RHBDF2: variants seen among roughly 807,000 people sequenced by gnomAD.
The protein encoded by RHBDF2 is inactive rhomboid protein 2.
In RHBDF2, 38 loss-of-function variants were observed where a neutral mutation model predicts 95.2. The ratio of observed to expected loss-of-function variants is 0.40; its 90% CI spans 0.31 to 0.52. RHBDF2 has a LOEUF of 0.52. Ranked by LOEUF, RHBDF2 falls within the 20% of genes least tolerant of loss-of-function variation. The pLI is 0.56. For missense variants in RHBDF2, 863 were observed against 1,137.7 expected (o/e 0.76, Z 3.47); for synonymous variants, 442 against 462.0 (o/e 0.96, Z 0.55).
intron 1 of RHBDF2, among the ~76,000 whole-genome samples, chr17:76,495,852 G>A (rs981372707): frequency 3.3e-5 from 5 of 152,178 alleles, no homozygotes; most frequent in African/African-American, 7.2e-5. Flanking sequence ...TTCCCAGAAC[G>A]TTGCCCTGGG....
intron 9 of RHBDF2, 80 bp from the exon 10 acceptor site, chr17:76,475,221 G>A: frequency 3.0e-6 from 3 of 1,000,630 alleles, no homozygotes; most frequent in Non-Finnish European, 4.6e-6. Context: ...ACCCTGGCCT[G>A]GTCACATGGC....
intron 1 of RHBDF2, chr17:76,488,167 CCT>C (rs2074193251): frequency 6.6e-6 from 1 of 152,210 alleles, no homozygotes; most frequent in Non-Finnish European, 1.5e-5. Context: ...CAAGATGGCC[CCT>C]GTTATTTTTC....
chr17:76,474,072 T>G lies in RHBDF2; in HGVS notation c.1535A>C (p.Gln512Pro). ...GPPMDKSDLGQKRTSGAVCHQ... is the reference protein window; with the variant it reads ...GPPMDKSDLGPKRTSGAVCHQ... ...GCAGACAGCCCCCGAAGTCCGCTTC[T>G]GGCCCAGATCAGACTTGTCCATGGG... Residue 512 changes from glutamine to proline, a missense_variant, in exon 13 of 19, where the codon CAG becomes CCG. Around this residue, in one of 2 missense-constraint regions of RHBDF2, gnomAD observed 611 missense variants for 725.5 expected, o/e 0.84. Transcript: ENST00000675367. 3.7e-6 allele frequency: 6 copies of G among 1,612,958 alleles called. No individual in the cohort carries two copies. Among genetic ancestry groups the G allele is most frequent in the Non-Finnish European group, 5.1e-6 (6 of 1,179,838 alleles).
chr17:76,479,184 G>A lies in RHBDF2; in HGVS notation c.366C>T (p.Tyr122=), dbSNP rs371493915. The A allele has an allele frequency of 1.6e-5, 25 of 1,612,026 alleles. No homozygotes were observed. The highest frequency in any genetic ancestry group is 1.2e-4 in the African/African-American group (9 of 74,936). Residue 122 remains tyrosine, a synonymous_variant, in exon 5 of 19, where the codon TAC becomes TAT. Coordinates refer to ENST00000675367, the MANE Select transcript of RHBDF2 (RefSeq NM_001005498.4). ...GCTGGCACGAGGCCTTCAGGCGGCC[G>A]TAGCGCATGCTGCAGTGGTGCAGGC... ...RRSLHHCSMR[Y]GRLKASCQRD... is the part of the protein sequence containing the mutation.
At chr17:76,473,962 C>A (rs900330672) in intron 13 of RHBDF2, 60 bp from the exon 14 acceptor site, 7 of 1,606,844 alleles carry the variant, frequency 4.4e-6, no homozygotes, top group African/African-American at 4.0e-5. Context: ...CACCTACCCA[C>A]GTCCCTGTGG....
intron 12 of RHBDF2, 106 bp from the exon 13 acceptor site, chr17:76,474,248 T>C (rs1261726328): frequency 7.4e-7 from 1 of 1,348,524 alleles, no homozygotes; most frequent in Non-Finnish European, 1.0e-6. Flanking sequence ...CAGTCTCATC[T>C]ATGGGGGTCT....
chr17:76,474,283 G>C, intron 12 of RHBDF2, 90 bp downstream of exon 12: 2 of 1,458,066 alleles, frequency 1.4e-6, no homozygotes, highest in East Asian at 2.3e-5. Flanking sequence ...GGGGAGGAGG[G>C]AACGTGGTCA....
In RHBDF2 at chr17:76,476,973, G is replaced by A. The variant is rs568366843; in HGVS notation, c.972C>T (p.Ile324=). The change falls in exon 9 of 19, where the codon ATC becomes ATT. Residue 324 remains isoleucine (I), a synonymous_variant. Coordinates refer to ENST00000675367, the MANE Select transcript of RHBDF2 (RefSeq NM_001005498.4). The stretch of plus-strand genomic sequence containing the variant: ...AGGCAAAGTGCTTCACCTTGGAGGC[G>A]ATGCGCTTGCCGCGCCGGGGCCCGG... ...PVPGPRRGKR[I]ASKVKHFAFD... The A allele has an allele frequency of 6.8e-6, 11 of 1,613,930 alleles. No individual in the cohort carries two copies. The South Asian group carries it at 9.9e-5, about 14-fold the overall frequency.
chr17:76,495,718 C>G (rs72860899), intron 1 of RHBDF2, among the ~76,000 whole-genome samples: 1,791 of 152,342 alleles, frequency 0.012, 12 homozygotes, highest in Non-Finnish European at 0.02. Context: ...CCTCGACACA[C>G]TCAGAGCGCT....
chr17:76,481,399 G>A lies in RHBDF2; in HGVS notation c.126C>T (p.Gly42=), dbSNP rs746701071. ...CCTCAGGCAGCATGCTGTCCTGCTC[G>A]CCAGGGGCCTGGGTCTCTTTCTCGG... ...PPPEKETQAP[G]EQDSMLPERK... Residue 42 remains glycine (G), a synonymous_variant, in exon 3 of 19, where the codon GGC becomes GGT. Transcript: ENST00000675367. The A allele has an allele frequency of 1.9e-5, 31 of 1,612,478 alleles. No homozygotes were observed. The highest frequency in any genetic ancestry group is 1.3e-5 in the Non-Finnish European group (15 of 1,179,974).
Position 76,475,097 on chromosome 17 carries a change from GTGA to G in RHBDF2, c.1157_1159del (p.Ile386del), listed in dbSNP as rs2073726764. On this transcript the variant is annotated inframe_deletion, in exon 10 of 19. Transcript: ENST00000675367. ...GCCATACGTGCAAATCACCAGCAGC[GTGA>G]TGATGACATGGACGAAGGTCAGCCA... 2 of 1,601,084 alleles carry G rather than the reference GTGA, an allele frequency of 1.2e-6. No homozygotes were observed. Among genetic ancestry groups the G allele is most frequent in the Non-Finnish European group, 1.7e-6 (2 of 1,174,750 alleles).
In RHBDF2 at chr17:76,472,726, C is replaced by T; in HGVS notation, c.2024G>A (p.Gly675Asp). ...GAGAAAGATGGCACTGGCGAGGTTGCCTGTGATGCCACTGAGGATGAAGAT... is the reference window on the plus strand; with the variant it reads ...GAGAAAGATGGCACTGGCGAGGTTGTCTGTGATGCCACTGAGGATGAAGAT... ...AIIFILSGIT[G>D]NLASAIFLPY... The change falls in exon 18 of 19, where the codon GGC (glycine) becomes GAC (aspartate). Residue 675 changes from glycine to aspartate, a missense_variant. Around this residue, in one of 2 missense-constraint regions of RHBDF2, gnomAD observed 252 missense variants for 412.2 expected, o/e 0.61. Transcript: ENST00000675367. 1 of 1,614,076 alleles carries T rather than the reference C, an allele frequency of 6.2e-7. No homozygotes were observed. The highest frequency in any genetic ancestry group is 2.2e-5 in the East Asian group (1 of 44,886).
chr17:76,496,643 G>A (rs1030296240), intron 1 of RHBDF2, among the ~76,000 whole-genome samples: 1 of 152,206 alleles, frequency 6.6e-6, no homozygotes, highest in African/African-American at 2.4e-5. Context: ...GGTGAGAGGC[G>A]GCTGTCATCA....
intron 2 of RHBDF2, among the ~76,000 whole-genome samples, chr17:76,485,411 C>CAAAA (rs35202087): frequency 3.2e-5 from 2 of 62,758 alleles, no homozygotes; most frequent in African/African-American, 1.3e-4. Context: ...AACTCTGTCT[C>CAAAA]AAAAAAAAAA....
rs2073891773 is a variant in RHBDF2 at position 76,479,755 on chromosome 17, A to G, written c.250T>C (p.Ser84Pro). ...EKRPGFRRQA[S>P]LSQSIRKGAA... ...CACTTGCGGATGCTCTGGGACAGTG[A>G]GGCCTGGCGGCGGAAGCCAGGGCGC... is the stretch of plus-strand genomic sequence containing the variant. The change falls in exon 4 of 19, where the codon TCA (serine) becomes CCA (proline). Residue 84 changes from serine to proline, a missense_variant. Ser to Pro is a moderately conservative substitution (Grantham distance 74). Around this residue, in one of 2 missense-constraint regions of RHBDF2, gnomAD observed 611 missense variants for 725.5 expected, o/e 0.84. Coordinates refer to ENST00000675367, the MANE Select transcript of RHBDF2 (RefSeq NM_001005498.4). The G allele has an allele frequency of 1.2e-6, 2 of 1,611,218 alleles. No individual in the cohort carries two copies. The highest frequency in any genetic ancestry group is 1.7e-5 in the Admixed American group (1 of 59,950).
At chr17:76,483,242 A>G (rs1209796323) in intron 2 of RHBDF2, among the ~76,000 whole-genome samples, 6 of 152,084 alleles carry the variant, frequency 3.9e-5, no homozygotes, top group Non-Finnish European at 8.8e-5. Context: ...CCTGCATTGT[A>G]GACATCTTTC....
Position 76,476,831 on chromosome 17 carries a change from G to A in RHBDF2, c.1114C>T (p.Arg372Trp), listed in dbSNP as rs1178156253. The A allele has an allele frequency of 5.0e-6, 8 of 1,598,544 alleles. No homozygotes were observed. Among genetic ancestry groups the A allele is most frequent in the East Asian group, 2.2e-5 (1 of 44,452 alleles). Residue 372 changes from arginine (R) to tryptophan (W), a missense_variant and splice_region_variant, in exon 9 of 19, where the codon CGG becomes TGG. Physicochemically the swap from Arg to Trp is moderately radical, Grantham distance 101. Around this residue, in one of 2 missense-constraint regions of RHBDF2, gnomAD observed 611 missense variants for 725.5 expected, o/e 0.84. Coordinates refer to ENST00000675367, the MANE Select transcript of RHBDF2 (RefSeq NM_001005498.4). The part of the protein sequence containing the change: ...QRQLESFDSH[R>W]PYFTYWLTFV... Reference sequence around the variant, plus strand: ...GGGGGCTCCAGGGCGACACCTCACCGGTGGCTGTCGAAGCTCTCCAGCTGC... The same window carrying A: ...GGGGGCTCCAGGGCGACACCTCACCAGTGGCTGTCGAAGCTCTCCAGCTGC...
At chr17:76,479,321 G>A (rs753296956) in intron 4 of RHBDF2, 44 bp from the exon 5 acceptor site, 8 of 1,553,630 alleles carry the variant, frequency 5.1e-6, no homozygotes, top group South Asian at 1.2e-5. Context: ...GCTTGTCTAC[G>A]CCTGTGCACC....
intron 1 of RHBDF2, chr17:76,493,144 G>C (rs994661738): frequency 1.3e-5 from 2 of 152,268 alleles, no homozygotes; most frequent in Non-Finnish European, 2.9e-5. Flanking sequence ...TGAATCACAG[G>C]ATGCTAGGGT....
Sources: gnomAD v4.1 joint callset for allele counts (sites outside exome capture counted in the v4.1 genomes callset) on GRCh38, gnomAD v4.1.1 for gene constraint, gnomAD v4.1.1 regional missense constraint, MANE v1.5 for transcripts, NCBI Gene and HGNC (gene_info 2026-07-23, HGNC 2026-07-21) for gene names.